The following SCFD2 variants were observed in gnomAD, a reference collection of about 807,000 sequenced individuals.
SCFD2 encodes sec1 family domain-containing protein 2.
SCFD2 carries 54 observed loss-of-function variants against 58.9 expected under a neutral mutation model. The observed-to-expected ratio is 0.92, with a 90% confidence interval of 0.74 to 1.15. SCFD2 has a LOEUF of 1.15. SCFD2 is among the 50% of genes most tolerant of loss of function. The pLI is 0.00. For synonymous variants in SCFD2, 321 were observed against 335.9 expected (o/e 0.96, Z 0.49); for missense variants, 805 against 836.6 (o/e 0.96, Z 0.47).
At chr4:53,022,090 A>G (rs565632367) in intron 5 of SCFD2, among the ~76,000 whole-genome samples, 2 of 152,290 alleles carry the variant, frequency 1.3e-5, no homozygotes, top group Admixed American at 6.5e-5. Flanking sequence ...CACTTCCACT[A>G]TAATTTCTTG....
intron 5 of SCFD2, among the ~76,000 whole-genome samples, chr4:52,922,022 C>T (rs1055350360): frequency 6.6e-6 from 1 of 152,114 alleles, no homozygotes; most frequent in African/African-American, 2.4e-5. Context: ...ATCAACTCAC[C>T]CATTAATACC....
At chr4:53,150,121 C>G (rs747454734) in intron 4 of SCFD2, among the ~76,000 whole-genome samples, 1 of 152,090 alleles carries the variant, frequency 6.6e-6, no homozygotes, top group Non-Finnish European at 1.5e-5. Flanking sequence ...CAGAAACTCT[C>G]TGTACTATCT....
Position 53,073,046 on chromosome 4 carries a change from T to A in SCFD2, c.1561+72287A>T, listed in dbSNP as rs565347970. Among the ~76,000 whole-genome samples the A allele has an allele frequency of 1.1e-4, 17 of 152,236 alleles. No homozygotes were observed. In the South Asian group the frequency reaches 3.5e-3, roughly 32 times the overall value. Reference sequence around the variant, plus strand: ...GATTCAAACAACTGCAGCACAAAAATATTCCAAAAAATAGTGTCTGTACTG... The same window carrying A: ...GATTCAAACAACTGCAGCACAAAAAAATTCCAAAAAATAGTGTCTGTACTG... On this transcript the variant is annotated intron_variant, in intron 5 of 8. Coordinates refer to ENST00000401642, the MANE Select transcript of SCFD2 (RefSeq NM_152540.4).
intron 7 of SCFD2, among the ~76,000 whole-genome samples, chr4:52,905,653 G>A (rs1042059066): frequency 2.0e-5 from 3 of 152,216 alleles, no homozygotes; most frequent in Non-Finnish European, 2.9e-5. Context: ...CCCTAACACT[G>A]GGGGTTTGAA....
At chr4:53,217,596 A>G (rs570633148) in intron 4 of SCFD2, among the ~76,000 whole-genome samples, 6 of 152,178 alleles carry the variant, frequency 3.9e-5, no homozygotes, top group South Asian at 2.1e-4. Context: ...CTCTTTATCC[A>G]ATTTGCCAGT....
chr4:53,114,146 C>T (rs774456674), intron 5 of SCFD2, among the ~76,000 whole-genome samples: 11 of 152,164 alleles, frequency 7.2e-5, no homozygotes, highest in Middle Eastern at 3.4e-3. Flanking sequence ...CATATCTCAT[C>T]GGACTGTCAT....
In SCFD2 at chr4:53,298,795, G is replaced by A. The variant is rs539381077; in HGVS notation, c.1135+14841C>T. ...CAGCATTTGCAGTTCACCAATATCC[G>A]CTGTTCTGCAGCCACCGCTGCTGAT... On this transcript the variant is annotated intron_variant, in intron 3 of 8. Transcript: ENST00000401642. 5.2e-4 allele frequency among the ~76,000 whole-genome samples: 79 copies of A among 152,190 alleles called. No homozygotes were observed. The Middle Eastern group carries it at 0.014, about 26-fold the overall frequency.
intron 7 of SCFD2, among the ~76,000 whole-genome samples, chr4:52,894,647 T>C (rs932876925): frequency 6.6e-6 from 1 of 152,218 alleles, no homozygotes; most frequent in Non-Finnish European, 1.5e-5. Flanking sequence ...AAGCTGTTTC[T>C]CCCTAGTTTG....
intron 4 of SCFD2, among the ~76,000 whole-genome samples, chr4:53,261,212 T>C (rs544637304): frequency 6.6e-6 from 1 of 152,288 alleles, no homozygotes; most frequent in South Asian, 2.1e-4. Context: ...GTTTGTTTGC[T>C]TGTTTGTTTC....
intron 5 of SCFD2, among the ~76,000 whole-genome samples, chr4:52,936,558 C>T (rs1720143193): frequency 6.6e-6 from 1 of 152,178 alleles, no homozygotes; most frequent in Non-Finnish European, 1.5e-5. Flanking sequence ...TTCACTTCTC[C>T]TGAGCACCCA....
intron 3 of SCFD2, among the ~76,000 whole-genome samples, chr4:53,308,487 CCTCT>C (rs140442703): frequency 2.6e-5 from 4 of 151,454 alleles, no homozygotes; most frequent in South Asian, 2.1e-4. Context: ...TCCTCCCATC[CCTCT>C]CTCTCTCTCT....
At chr4:53,311,437 CT>C (rs746789837) in intron 3 of SCFD2, among the ~76,000 whole-genome samples, 4 of 151,916 alleles carry the variant, frequency 2.6e-5, no homozygotes, top group Non-Finnish European at 5.9e-5. Flanking sequence ...ATTACCTGTC[CT>C]TTTTAAAAAT....
At chr4:53,023,329 A>C (rs1378559758) in intron 5 of SCFD2, among the ~76,000 whole-genome samples, 2 of 152,180 alleles carry the variant, frequency 1.3e-5, no homozygotes, top group Non-Finnish European at 1.5e-5. Flanking sequence ...CCAAAACTGC[A>C]CTTTGGAAAA....
intron 4 of SCFD2, among the ~76,000 whole-genome samples, chr4:53,226,808 T>C (rs1238785767): frequency 6.6e-6 from 1 of 152,140 alleles, no homozygotes; most frequent in Non-Finnish European, 1.5e-5. Flanking sequence ...AATGACCCAG[T>C]AAAAGAGAAG....
rs574948880 is a variant in SCFD2 at position 53,335,463 on chromosome 4, A to G, written c.1007+17135T>C. Among the ~76,000 whole-genome samples the G allele has an allele frequency of 5.3e-5, 8 of 152,314 alleles. No homozygotes were observed. The East Asian group carries it at 1.4e-3, about 26-fold the overall frequency. On this transcript the variant is annotated intron_variant, in intron 2 of 8. Coordinates refer to ENST00000401642, the MANE Select transcript of SCFD2 (RefSeq NM_152540.4). ...TGACTGACATCCTTTCGCTTTTACA[A>G]AGGATATTATTGAGACAAATGGTGG...
intron 3 of SCFD2, among the ~76,000 whole-genome samples, chr4:53,309,711 A>G (rs9997215): frequency 3.7e-4 from 57 of 152,344 alleles, no homozygotes; most frequent in African/African-American, 1.3e-3. Flanking sequence ...AGAATGAATT[A>G]GTACATTTCC....
chr4:52,903,438 A>G (rs1281799358), intron 7 of SCFD2, among the ~76,000 whole-genome samples: 1 of 152,154 alleles, frequency 6.6e-6, no homozygotes, highest in Non-Finnish European at 1.5e-5. Context: ...TGTGAAACTG[A>G]GATAGAAGCT....
intron 8 of SCFD2, among the ~76,000 whole-genome samples, chr4:52,878,164 T>C (rs996176821): frequency 1.3e-5 from 2 of 152,208 alleles, no homozygotes; most frequent in Non-Finnish European, 2.9e-5. Context: ...CCTGTCAACT[T>C]AACTGAGTCT....
intron 3 of SCFD2, among the ~76,000 whole-genome samples, chr4:53,309,047 C>T (rs1433884407): frequency 6.6e-6 from 1 of 151,886 alleles, no homozygotes. Flanking sequence ...GCAGGAGAAT[C>T]GCTTGAACCC....
Sources: allele counts gnomAD v4.1 joint callset (sites outside exome capture counted in the v4.1 genomes callset), GRCh38; gene constraint gnomAD v4.1.1; transcripts MANE v1.5; gene names NCBI Gene and HGNC (gene_info 2026-07-23, HGNC 2026-07-21).